The following TRPM3 variants were observed in gnomAD, a reference collection of about 807,000 sequenced individuals.
TRPM3 encodes long transient receptor potential channel 3.
TRPM3 carries 77 observed loss-of-function variants against 181.2 expected under a neutral mutation model. The observed-to-expected ratio is 0.42, with a 90% CI of 0.35 to 0.51. The LOEUF is 0.51. Ranked by LOEUF, TRPM3 falls within the 20% of genes least tolerant of loss-of-function variation. The pLI is 0.01. For missense variants in TRPM3, 1,759 were observed against 2,196.7 expected (o/e 0.80, Z 3.98); for synonymous variants, 745 against 796.4 (o/e 0.94, Z 1.09).
intron 1 of TRPM3, among the ~76,000 whole-genome samples, chr9:71,357,853 T>C (rs1445752120): frequency 1.3e-5 from 2 of 152,248 alleles, no homozygotes; most frequent in African/African-American, 2.4e-5. Flanking sequence ...GAATCTGTTA[T>C]GAAGGAAAGT....
At chr9:70,788,397 A>G (rs1276712612) in intron 6 of TRPM3, among the ~76,000 whole-genome samples, 1 of 152,054 alleles carries the variant, frequency 6.6e-6, no homozygotes, top group African/African-American at 2.4e-5. Context: ...GGCCTCTGAC[A>G]CAAGTTCTAG....
At position 70,653,502 on chromosome 9, in the gene TRPM3, C is replaced by A. The variant is rs572011533; in HGVS notation, c.1346-12842G>T. Among the ~76,000 whole-genome samples, 124 of 151,770 alleles carry A rather than the reference C, an allele frequency of 8.2e-4. 1 individual carries two copies. Among genetic ancestry groups the A allele is most frequent in the African/African-American group, 2.8e-3 (116 of 41,410 alleles). Reference sequence around the variant, plus strand: ...TTGGTTGTTTCAGTCTTTCTCCCATCAGATTTGACCAACTCCACTTAACTT... The same window carrying A: ...TTGGTTGTTTCAGTCTTTCTCCCATAAGATTTGACCAACTCCACTTAACTT... On this transcript the variant is annotated intron_variant, in intron 9 of 25. Coordinates refer to ENST00000677713, the MANE Select transcript of TRPM3 (RefSeq NM_001366145.2).
chr9:71,428,241 G>A (rs1051680453), intron 1 of TRPM3, among the ~76,000 whole-genome samples: 1 of 148,256 alleles, frequency 6.7e-6, no homozygotes, highest in African/African-American at 2.5e-5. Context: ...ACAGGCGCCC[G>A]CCACCATGCC....
intron 8 of TRPM3, among the ~76,000 whole-genome samples, chr9:70,697,928 G>A (rs1239430751): frequency 6.6e-6 from 1 of 152,054 alleles, no homozygotes; most frequent in Non-Finnish European, 1.5e-5. Context: ...AAGTTTCCTT[G>A]TGGCTGGGCT....
At chr9:71,060,978 A>T (rs2133343749) in intron 1 of TRPM3, among the ~76,000 whole-genome samples, 1 of 152,238 alleles carries the variant, frequency 6.6e-6, no homozygotes, top group South Asian at 2.1e-4. Flanking sequence ...GAGTACTCTG[A>T]AATTAAGAAA....
intron 1 of TRPM3, among the ~76,000 whole-genome samples, chr9:70,968,882 A>G (rs1156815314): frequency 6.6e-6 from 1 of 152,156 alleles, no homozygotes; most frequent in Non-Finnish European, 1.5e-5. Context: ...TAAAGACTTA[A>G]ACATAAGACC....
In TRPM3 at chr9:70,535,268, A is replaced by G. The variant is rs1230000903; in HGVS notation, c.*685T>C. On this transcript the variant is annotated 3_prime_UTR_variant, in exon 26 of 26. Transcript: ENST00000677713. ...TACAAAAAGGCATTTCTGTTCCCTT[A>G]TTTTCTTCAAAAAAGGATAAACAGT... 1.3e-6 allele frequency: 1 copy of G among 784,526 alleles called. No individual in the cohort carries two copies. Among genetic ancestry groups the G allele is most frequent in the Non-Finnish European group, 2.0e-6 (1 of 507,348 alleles). The allele number at this position is 784,526 out of a possible 1,614,324, so 48.6% of individuals were successfully genotyped here.
At chr9:71,152,314 T>C (rs1201515691) in intron 1 of TRPM3, among the ~76,000 whole-genome samples, 6 of 152,156 alleles carry the variant, frequency 3.9e-5, no homozygotes, top group Admixed American at 3.9e-4. Flanking sequence ...AGGTGCTGAA[T>C]GTTGTTTGCC....
chr9:70,801,217 T>C (rs1264445350), intron 6 of TRPM3, among the ~76,000 whole-genome samples: 1 of 152,238 alleles, frequency 6.6e-6, no homozygotes, highest in Non-Finnish European at 1.5e-5. Context: ...TGGTTTCTGG[T>C]AGCTTTTAAA....
rs189892366 is a variant in TRPM3 at position 71,298,270 on chromosome 9, T to C, written c.183+148383A>G. Among the ~76,000 whole-genome samples the C allele has an allele frequency of 7.2e-5, 11 of 152,304 alleles. No individual in the cohort carries two copies. In the East Asian group the frequency reaches 2.1e-3, roughly 29 times the overall value. On this transcript the variant is annotated intron_variant, in intron 1 of 24. Transcript: ENST00000357533. ...GTTTGTTTTTGCTGCTTGTTTGTTT[T>C]GCTTCTCATCAGGAAGTATAATCCA...
At chr9:71,001,171 T>C (rs2097595583) in intron 1 of TRPM3, among the ~76,000 whole-genome samples, 1 of 152,172 alleles carries the variant, frequency 6.6e-6, no homozygotes, top group Non-Finnish European at 1.5e-5. Flanking sequence ...CAGTTCCAAG[T>C]AGCTCCAGTC....
intron 1 of TRPM3, among the ~76,000 whole-genome samples, chr9:71,363,582 T>C (rs530233977): frequency 1.4e-4 from 22 of 152,302 alleles, no homozygotes; most frequent in Non-Finnish European, 2.5e-4. Context: ...CTATATAAAA[T>C]ACATTTGCCA....
intron 14 of TRPM3, among the ~76,000 whole-genome samples, chr9:70,623,044 G>T (rs993267606): frequency 6.6e-6 from 1 of 151,828 alleles, no homozygotes; most frequent in Non-Finnish European, 1.5e-5. Context: ...AATGCTTTCA[G>T]AATCAGAAAA....
intron 5 of TRPM3, among the ~76,000 whole-genome samples, chr9:70,831,623 A>T (rs988974185): frequency 2.0e-5 from 3 of 152,040 alleles, no homozygotes; most frequent in African/African-American, 7.2e-5. Context: ...CAGTCACTCA[A>T]ACAATTTCCT....
chr9:70,800,609 G>C (rs933666685), intron 6 of TRPM3, among the ~76,000 whole-genome samples: 1 of 152,134 alleles, frequency 6.6e-6, no homozygotes, highest in African/African-American at 2.4e-5. Context: ...AGATGATGAG[G>C]ATGAAGACCT....
rs560170099 is a variant in TRPM3 at position 70,549,842 on chromosome 9, T to C, written c.3575-168A>G. 1.7e-4 allele frequency among the ~76,000 whole-genome samples: 26 copies of C among 152,344 alleles called. No individual in the cohort carries two copies. In the Middle Eastern group the frequency reaches 0.017, roughly 100 times the overall value. ...AATCCAATTAGGCAACTTGCATCAC[T>C]GTCTTCTTTCTGAACATGAAATTTA... On this transcript the variant is annotated intron_variant, in intron 24 of 25. Transcript: ENST00000677713.
intron 4 of TRPM3, among the ~76,000 whole-genome samples, chr9:70,846,050 T>A (rs2094938398): frequency 6.6e-6 from 1 of 152,222 alleles, no homozygotes; most frequent in African/African-American, 2.4e-5. Context: ...GCTTCCAATT[T>A]AAAGCAGAAG....
intron 22 of TRPM3, among the ~76,000 whole-genome samples, chr9:70,561,366 G>T (rs2049024992): frequency 1.3e-5 from 2 of 152,128 alleles, no homozygotes; most frequent in South Asian, 4.1e-4. Flanking sequence ...GTTTTCCTTG[G>T]CAAGACAACT....
At chr9:71,132,528 T>C (rs1043130877) in intron 1 of TRPM3, among the ~76,000 whole-genome samples, 2 of 152,314 alleles carry the variant, frequency 1.3e-5, no homozygotes, top group Admixed American at 6.5e-5. Flanking sequence ...AAATGCTCTA[T>C]GTCTTGAATA....
Sources: allele counts gnomAD v4.1 joint callset (sites outside exome capture counted in the v4.1 genomes callset), GRCh38; gene constraint gnomAD v4.1.1; transcripts MANE v1.5; gene names NCBI Gene and HGNC (gene_info 2026-07-23, HGNC 2026-07-21).